The following TMEM79 variants were observed in gnomAD, a reference collection of about 807,000 sequenced individuals.
TMEM79 encodes the protein mattrin.
A neutral mutation model predicts 31.2 loss-of-function variants in TMEM79; 30 were observed. That is an observed-to-expected ratio of 0.96 (90% CI 0.72 to 1.30). The LOEUF (loss-of-function observed/expected upper bound fraction) is 1.30, where lower values mean the gene tolerates loss of function less well. Ranked by LOEUF, TMEM79 falls within the 50% of genes most tolerant of loss-of-function variation. TMEM79 has a pLI of 0.00. For missense variants in TMEM79, 509 were observed against 528.2 expected, an observed-to-expected ratio of 0.96 and a Z score of 0.36; for synonymous variants, 213 against 229.5, an observed-to-expected ratio of 0.93 and a Z score of 0.65.
intron 2 of TMEM79, 125 bp from the exon 3 acceptor site, chr1:156,286,135 G>T: frequency 7.3e-7 from 1 of 1,371,558 alleles, no homozygotes; most frequent in Non-Finnish European, 1.0e-6. Context: ...TCTCCTCCCA[G>T]GACCACCTCC....
At position 156,285,758 on chromosome 1, in the gene TMEM79, G is replaced by A. The variant is rs368132152; in HGVS notation, c.532G>A (p.Val178Met). The A allele has an allele frequency of 6.2e-7, 1 of 1,613,412 alleles. No homozygotes were observed. Among genetic ancestry groups the A allele is most frequent in the Non-Finnish European group, 8.5e-7 (1 of 1,179,982 alleles). The change falls in exon 2 of 4, where the codon GTG becomes ATG. Residue 178 changes from valine (V) to methionine (M), a missense_variant. Transcript: ENST00000405535. ...CACTGAGCGCAAGTGGGCTGAGGCA[G>A]TGGTGAGGCCGCCTGGCTGTTCCTG... ...DPTERKWAEA[V>M]VRPPGCSCGG... is the part of the protein sequence containing the mutation.
chr1:156,292,037 A>G lies in TMEM79; in HGVS notation c.*439A>G, dbSNP rs549675968. ...ACTTCTGTGCCAGTTGTCTAAGCAG[A>G]GCGCCTCAGGGACGCTGGAAATGCC... is the stretch of plus-strand genomic sequence containing the variant. On this transcript the variant is annotated 3_prime_UTR_variant, in exon 4 of 4. Transcript: ENST00000405535. 1 of 342,504 alleles carries G rather than the reference A, an allele frequency of 2.9e-6. No homozygotes were observed. The highest frequency in any genetic ancestry group is 5.4e-6 in the Non-Finnish European group (1 of 186,280). The allele number at this position is 342,504 out of a possible 1,614,324, so 21.2% of individuals were successfully genotyped here.
In TMEM79 at chr1:156,292,197, C is replaced by T. The variant is rs1339941389; in HGVS notation, c.*599C>T. On this transcript the variant is annotated 3_prime_UTR_variant, in exon 4 of 4. Transcript: ENST00000405535. ...AGCTGGCCAGTGCAGAGCTGCTGCT[C>T]TTTTACCTTTTTAGGCCCCTGTAAC... 1.3e-5 allele frequency: 2 copies of T among 155,154 alleles called. No homozygotes were observed. Among genetic ancestry groups the T allele is most frequent in the Admixed American group, 1.3e-4 (2 of 15,718 alleles). 9.6% of individuals were successfully genotyped at this position (155,154 alleles called of 1,614,324 possible). A position where few individuals can be genotyped will look rare whatever the true frequency, so the allele number is the denominator to read the frequency against.
intron 3 of TMEM79, 31 bp downstream of exon 3, chr1:156,286,504 G>A (rs759072561): frequency 2.5e-6 from 4 of 1,607,258 alleles, no homozygotes; most frequent in Non-Finnish European, 3.4e-6. Context: ...GGGCATGGGA[G>A]AGGGGATGGT....
rs777470861 is a variant in TMEM79, at chr1:156,291,694, A to C, written c.*96A>C. ...AGGCCTGGACTTCGCCCCCAGGCCT[A>C]GGACCGCGGTGGGTGGAACCCTGCT... On this transcript the variant is annotated 3_prime_UTR_variant, in exon 4 of 4. Transcript: ENST00000405535. The C allele has an allele frequency of 8.6e-7, 1 of 1,157,856 alleles. No individual in the cohort carries two copies. The highest frequency in any genetic ancestry group is 1.3e-5 in the South Asian group (1 of 79,366). 71.7% of individuals were successfully genotyped at this position (1,157,856 alleles called of 1,614,324 possible).
intron 3 of TMEM79, 152 bp downstream of exon 3, chr1:156,286,625 C>T (rs1652589159): frequency 1.5e-5 from 11 of 734,110 alleles, no homozygotes; most frequent in Non-Finnish European, 2.4e-5. Context: ...TTCTCTCTTG[C>T]ACCTTACCTC....
chr1:156,285,463 G>A lies in TMEM79; in HGVS notation c.237G>A (p.Gly79=). The change falls in exon 2 of 4, where the codon GGG becomes GGA. Residue 79 remains glycine (G), a synonymous_variant. Transcript: ENST00000405535. ...TVSEAATLPW[G]TGPQPSAPFP... is the part of the protein sequence containing the mutation. ...GTGAGGCTGCCACCTTGCCCTGGGG[G>A]ACTGGCCCTCAGCCCAGTGCTCCGT... 6.2e-7 allele frequency: 1 copy of A among 1,614,104 alleles called. No homozygotes were observed.
In TMEM79 at chr1:156,291,664, T is replaced by A; in HGVS notation, c.*66T>A. ...GGGTCTGACACATCTTTGAACCTTG[T>A]GGCCAGGCCTGGACTTCGCCCCCAG... On this transcript the variant is annotated 3_prime_UTR_variant, in exon 4 of 4. Coordinates refer to ENST00000405535, the MANE Select transcript of TMEM79 (RefSeq NM_032323.3). 6.7e-7 allele frequency: 1 copy of A among 1,498,836 alleles called. No individual in the cohort carries two copies. The highest frequency in any genetic ancestry group is 9.3e-7 in the Non-Finnish European group (1 of 1,080,090). 92.8% of individuals were successfully genotyped at this position (1,498,836 alleles called of 1,614,324 possible). A position where few individuals can be genotyped will look rare whatever the true frequency, so the allele number is the denominator to read the frequency against.
chr1:156,288,637 C>T (rs926961489), intron 3 of TMEM79, among the ~76,000 whole-genome samples: 1 of 152,108 alleles, frequency 6.6e-6, no homozygotes, highest in African/African-American at 2.4e-5. Flanking sequence ...CACACCTGGC[C>T]TGCTCTTGTT....
At chr1:156,289,121 T>C (rs1289870466) in intron 3 of TMEM79, among the ~76,000 whole-genome samples, 3 of 152,226 alleles carry the variant, frequency 2.0e-5, no homozygotes, top group Non-Finnish European at 4.4e-5. Flanking sequence ...TTTCATCATC[T>C]GTAAAATGAG....
chr1:156,287,470 T>C (rs182149562), intron 3 of TMEM79, among the ~76,000 whole-genome samples: 21 of 152,128 alleles, frequency 1.4e-4, no homozygotes, highest in Non-Finnish European at 2.9e-4. Flanking sequence ...GGTCTCAAGG[T>C]TGGGGGGCCT....
Position 156,285,526 on chromosome 1 carries a change from G to C in TMEM79, c.300G>C (p.Glu100Asp). The change falls in exon 2 of 4, where the codon GAG becomes GAC. Residue 100 changes from glutamate to aspartate, a missense_variant. Transcript: ENST00000405535. ...DPPGWRDIEPEPPESEPLTKL... is the reference protein window; with the variant it reads ...DPPGWRDIEPDPPESEPLTKL... The stretch of plus-strand genomic sequence containing the variant: ...CTGGCTGGCGGGACATTGAACCAGA[G>C]CCCCCTGAGTCAGAACCACTTACCA... 1.2e-6 allele frequency: 2 copies of C among 1,614,200 alleles called. No homozygotes were observed. The highest frequency in any genetic ancestry group is 1.1e-5 in the South Asian group (1 of 91,090).
Position 156,285,390 on chromosome 1 carries a change from C to T in TMEM79, c.164C>T (p.Ser55Phe). The T allele has an allele frequency of 6.3e-7, 1 of 1,588,970 alleles. No individual in the cohort carries two copies. The highest frequency in any genetic ancestry group is 8.6e-7 in the Non-Finnish European group (1 of 1,166,626). The stretch of plus-strand genomic sequence containing the variant: ...CTCAGAGTGGGGTCTTCAGCTGGAT[C>T]TCCCACAGCCATAGAGGGGGCTGAG... Reference protein sequence around the residue: ...ESLRVGSSAGSPTAIEGAEDG... With the variant: ...ESLRVGSSAGFPTAIEGAEDG... Residue 55 changes from serine (S) to phenylalanine (F), a missense_variant, in exon 2 of 4, where the codon TCT becomes TTT. Transcript: ENST00000405535.
chr1:156,284,083 A>T (rs565954254), upstream of TMEM79, among the ~76,000 whole-genome samples: 1 of 152,278 alleles, frequency 6.6e-6, no homozygotes, highest in East Asian at 1.9e-4. Context: ...GCACAAATCC[A>T]CTTTTCTCCC....
In TMEM79 at chr1:156,286,244, T is replaced by A. The variant is rs1558251420; in HGVS notation, c.758-16T>A. 3.1e-6 allele frequency: 5 copies of A among 1,613,308 alleles called. No homozygotes were observed. The highest frequency in any genetic ancestry group is 4.2e-6 in the Non-Finnish European group (5 of 1,179,448). Reference sequence around the variant, plus strand: ...CTGCCTTTTCTGACCCTACCCTGTTTCCCAACTCCACCCAGGGATCCTGGT... The same window carrying A: ...CTGCCTTTTCTGACCCTACCCTGTTACCCAACTCCACCCAGGGATCCTGGT... On this transcript the variant is annotated splice_polypyrimidine_tract_variant and intron_variant, in intron 2 of 3. Coordinates refer to ENST00000405535, the MANE Select transcript of TMEM79 (RefSeq NM_032323.3).
Position 156,291,610 on chromosome 1 carries a change from C to G in TMEM79, c.*12C>G, listed in dbSNP as rs1448017177. The G allele has an allele frequency of 5.0e-6, 8 of 1,611,126 alleles. No individual in the cohort carries two copies. The African/African-American group carries it at 8.0e-5, about 16-fold the overall frequency. On this transcript the variant is annotated 3_prime_UTR_variant, in exon 4 of 4. Coordinates refer to ENST00000405535, the MANE Select transcript of TMEM79 (RefSeq NM_032323.3). ...GCCCCTGGGGCTGAGCCTCTCCGCC[C>G]TCGCCCTCGGAGTAGGGGGTAGCGG...
chr1:156,286,121 C>A, intron 2 of TMEM79, 138 bp downstream of exon 2: 2 of 1,370,998 alleles, frequency 1.5e-6, no homozygotes, highest in Non-Finnish European at 2.0e-6. Flanking sequence ...AGTCTGCATG[C>A]CCATCTCCTC....
Position 156,285,828 on chromosome 1 carries a change from T to A in TMEM79, c.602T>A (p.Val201Glu), listed in dbSNP as rs754067224. Residue 201 changes from valine to glutamate, a missense_variant, in exon 2 of 4, where the codon GTG (valine) becomes GAG (glutamate). Transcript: ENST00000405535. ...SCGDREWLRA[V>E]ASVGAALILF... ...GGAGACCGTGAGTGGCTAAGGGCTG[T>A]GGCCTCCGTGGGAGCCGCACTCATT... 3 of 1,613,646 alleles carry A rather than the reference T, an allele frequency of 1.9e-6. No individual in the cohort carries two copies. In the East Asian group the frequency reaches 6.7e-5, roughly 36 times the overall value.
chr1:156,283,053 T>C (rs918455933), upstream of TMEM79: 1 of 443,140 alleles, frequency 2.3e-6, no homozygotes, highest in Admixed American at 4.0e-5. Context: ...AAAGCTTAAC[T>C]GGATCAGGGC....
Sources: gnomAD v4.1 joint callset for allele counts (sites outside exome capture counted in the v4.1 genomes callset) on GRCh38, gnomAD v4.1.1 for gene constraint, MANE v1.5 for transcripts, NCBI Gene and HGNC (gene_info 2026-07-23, HGNC 2026-07-21) for gene names.